Variants in DNAH2 observed in about 807,000 individuals in gnomAD.
DNAH2 encodes the protein axonemal beta dynein heavy chain 2.
In DNAH2, 323 loss-of-function variants were observed where a neutral mutation model predicts 523.5. The observed-to-expected ratio is 0.62, with a 90% CI of 0.56 to 0.68. The LOEUF (loss-of-function observed/expected upper bound fraction) is 0.68. Among genes scored for constraint, DNAH2 ranks in the 30% least tolerant of loss-of-function variants. The pLI is 0.00. For synonymous variants in DNAH2, 2,093 were observed against 2,177.4 expected (o/e 0.96, Z 1.08); for missense variants, 4,907 against 5,701.5 (o/e 0.86, Z 4.49).
At position 7,765,671 on chromosome 17, in the gene DNAH2, C is replaced by T. The variant is rs892843030; in HGVS notation, c.3511+106C>T. The T allele has an allele frequency of 1.8e-5, 24 of 1,335,306 alleles. No individual in the cohort carries two copies. In the African/African-American group the frequency reaches 2.1e-4, roughly 11 times the overall value. The allele number at this position is 1,335,306 out of a possible 1,614,324, so 82.7% of individuals were successfully genotyped here. A position where few individuals can be genotyped will look rare whatever the true frequency, so the allele number is the denominator to read the frequency against. ...AGAACTGGGAGGGGAGGAGGAGGGT[C>T]GGTGCTGGGGTGGGGGAAGAGCCTC... On this transcript the variant is annotated intron_variant, in intron 21 of 85. Transcript: ENST00000572933.
Position 7,796,643 on chromosome 17 carries a change from C to T in DNAH2, c.7854C>T (p.Asp2618=), listed in dbSNP as rs1417729944. The T allele has an allele frequency of 1.2e-6, 2 of 1,611,804 alleles. No individual in the cohort carries two copies. Among genetic ancestry groups the T allele is most frequent in the South Asian group, 1.1e-5 (1 of 90,892 alleles). ...TKMHYLFNLR[D]ISKVFQGMLR... is the part of the protein sequence containing the mutation. ...TGCATTACCTCTTCAACCTTCGAGA[C>T]ATCTCCAAGGTGACTCGCGGCCTGA... Residue 2618 remains aspartate (D), a synonymous_variant, in exon 50 of 86, where the codon GAC becomes GAT. Coordinates refer to ENST00000572933, the MANE Select transcript of DNAH2 (RefSeq NM_020877.5).
In DNAH2 at chr17:7,791,914, C is replaced by T; in HGVS notation, c.6901-3C>T. On this transcript the variant is annotated splice_polypyrimidine_tract_variant and splice_region_variant and intron_variant, in intron 44 of 85. Coordinates refer to ENST00000572933, the MANE Select transcript of DNAH2 (RefSeq NM_020877.5). Reference sequence around the variant, plus strand: ...TTATTTCCTCTTCTCGTTCTCCATCCAGGTGAACCCAGCTGACGGCGAGAA... The same window carrying T: ...TTATTTCCTCTTCTCGTTCTCCATCTAGGTGAACCCAGCTGACGGCGAGAA... 6.2e-7 allele frequency: 1 copy of T among 1,612,648 alleles called. No homozygotes were observed. The highest frequency in any genetic ancestry group is 2.2e-5 in the East Asian group (1 of 44,858).
intron 12 of DNAH2, among the ~76,000 whole-genome samples, chr17:7,748,420 C>A (rs928631649): frequency 1.3e-5 from 2 of 152,212 alleles, no homozygotes; most frequent in African/African-American, 4.8e-5. Flanking sequence ...GCTTTCCTTT[C>A]TACCTCTACT....
intron 2 of DNAH2, among the ~76,000 whole-genome samples, chr17:7,722,964 CTTTTTTT>C (rs559136734): frequency 2.6e-5 from 3 of 114,698 alleles, no homozygotes; most frequent in Non-Finnish European, 5.2e-5. Flanking sequence ...CTTTTCTTTC[CTTTTTTT>C]TTTTTTTTTT....
At chr17:7,788,933 G>A (rs530582355) in intron 44 of DNAH2, among the ~76,000 whole-genome samples, 2 of 152,320 alleles carry the variant, frequency 1.3e-5, no homozygotes, top group South Asian at 4.1e-4. Flanking sequence ...GGGAGGCCGA[G>A]GTGGGTGGAT....
chr17:7,769,614 G>A (rs1054675001), intron 24 of DNAH2, among the ~76,000 whole-genome samples: 1 of 152,082 alleles, frequency 6.6e-6, no homozygotes. Flanking sequence ...TTCCTCTAAT[G>A]CTTTGTGTTT....
intron 12 of DNAH2, among the ~76,000 whole-genome samples, chr17:7,753,819 G>A (rs1407251890): frequency 6.6e-6 from 1 of 152,030 alleles, no homozygotes; most frequent in Admixed American, 6.6e-5. Flanking sequence ...ATGGTGGTGC[G>A]CACCTATAGT....
rs780206915 is a variant in DNAH2, at chr17:7,762,522, G to A, written c.2979-1309G>A. On this transcript the variant is annotated intron_variant, in intron 18 of 85. Transcript: ENST00000572933. ...AGCTAATTTTTGTATTTTTAGTAGA[G>A]ATGGGGTTTCATCGTGTTAGCCAGG... Among the ~76,000 whole-genome samples, 95 of 151,678 alleles carry A rather than the reference G, an allele frequency of 6.3e-4. 1 individual carries two copies. The highest frequency in any genetic ancestry group is 1.3e-3 in the Non-Finnish European group (91 of 67,862).
rs747136408 is a variant in DNAH2 at position 7,807,479 on chromosome 17, C to T, written c.9622C>T (p.Arg3208Trp). ...GACTGTCTCCCCACAGCTGTATGGG[C>T]GGCTATATCGGGTGGTGGAGCCCAA... The part of the protein sequence containing the change: ...MWVRAMELYG[R>W]LYRVVEPKRI... Residue 3208 changes from arginine (R) to tryptophan (W), a missense_variant, in exon 63 of 86, where the codon CGG becomes TGG. Around this residue, in one of 3 missense-constraint regions of DNAH2, gnomAD observed 1,851 missense variants for 2,139.4 expected, o/e 0.87. Coordinates refer to ENST00000572933, the MANE Select transcript of DNAH2 (RefSeq NM_020877.5). The surrounding 1 kb of genome is among the most constrained non-coding windows in gnomAD (Gnocchi z 5.6). The T allele has an allele frequency of 5.0e-5, 81 of 1,613,282 alleles. No individual in the cohort carries two copies. Among genetic ancestry groups the T allele is most frequent in the East Asian group, 6.7e-5 (3 of 44,892 alleles).
At chr17:7,752,440 GT>G (rs1250629280) in intron 12 of DNAH2, among the ~76,000 whole-genome samples, 1 of 152,162 alleles carries the variant, frequency 6.6e-6, no homozygotes, top group African/African-American at 2.4e-5. Context: ...GCCGCGCGCG[GT>G]GGCTCACGCC....
intron 58 of DNAH2, 87 bp from the exon 59 acceptor site, chr17:7,804,169 G>A (rs2077298588): frequency 2.1e-6 from 3 of 1,398,646 alleles, no homozygotes; most frequent in South Asian, 1.3e-5. Flanking sequence ...AGGCGGACTC[G>A]AGACACACGG....
intron 12 of DNAH2, among the ~76,000 whole-genome samples, chr17:7,753,683 C>A (rs2075753134): frequency 6.6e-6 from 1 of 152,148 alleles, no homozygotes; most frequent in African/African-American, 2.4e-5. Flanking sequence ...TGCTGTGGCT[C>A]ACGCCTGTAA....
chr17:7,756,562 T>C (rs2075844836), intron 12 of DNAH2, among the ~76,000 whole-genome samples: 1 of 151,950 alleles, frequency 6.6e-6, no homozygotes, highest in Non-Finnish European at 1.5e-5. Flanking sequence ...TGTGAGCCAC[T>C]GTGCCTGGCC....
chr17:7,774,587 G>T (rs571162202), intron 28 of DNAH2, among the ~76,000 whole-genome samples, 172 bp from the exon 29 acceptor site: 1 of 152,294 alleles, frequency 6.6e-6, no homozygotes, highest in East Asian at 1.9e-4. Context: ...TTAACAGAGA[G>T]AATGGGTTGA....
Position 7,798,670 on chromosome 17 carries a change from C to T in DNAH2, c.8511C>T (p.Leu2837=), listed in dbSNP as rs750045931. 6.5e-5 allele frequency: 105 copies of T among 1,613,998 alleles called. 1 individual carries two copies. The South Asian group carries it at 1.1e-3, about 17-fold the overall frequency. ...ESFLEDINNI[L]SSGEVPNLYK... ...TCCTAGAGGACATCAACAACATCCT[C>T]AGCTCAGGCGAGGTGCCCAATCTCT... Residue 2837 remains leucine, a synonymous_variant, in exon 55 of 86, where the codon CTC becomes CTT. Transcript: ENST00000572933. The surrounding 1 kb of genome is among the most constrained non-coding windows in gnomAD (Gnocchi z 5.5).
chr17:7,802,638 C>G (rs574274114), intron 58 of DNAH2, among the ~76,000 whole-genome samples: 1 of 152,050 alleles, frequency 6.6e-6, no homozygotes, highest in Non-Finnish European at 1.5e-5. Context: ...AAAGTCTGTA[C>G]ATGTTCAGTG....
rs763993549 is a variant in DNAH2, at chr17:7,799,285, C to T, written c.8699+43C>T. 5 of 1,605,888 alleles carry T rather than the reference C, an allele frequency of 3.1e-6. No individual in the cohort carries two copies. In the South Asian group the frequency reaches 5.5e-5, roughly 18 times the overall value. On this transcript the variant is annotated intron_variant, in intron 56 of 85. Coordinates refer to ENST00000572933, the MANE Select transcript of DNAH2 (RefSeq NM_020877.5). ...CTTCTCTCAGCCCCTTCTGTGTGCT[C>T]CCTCACCCTGCTGTGGCCTCCTGTG...
chr17:7,764,905 C>T (rs549822243), intron 20 of DNAH2, among the ~76,000 whole-genome samples: 10 of 131,800 alleles, frequency 7.6e-5, no homozygotes, highest in Non-Finnish European at 1.4e-4. Context: ...TGCAGTGGTG[C>T]AATCATGGCT....
chr17:7,759,619 C>T lies in DNAH2; in HGVS notation c.2637+9C>T. ...AAGGAAGTGTGGCACAGGTAAGAACCACTTTGCCCCCAACATCTCAAAACC... is the reference window on the plus strand; with the variant it reads ...AAGGAAGTGTGGCACAGGTAAGAACTACTTTGCCCCCAACATCTCAAAACC... On this transcript the variant is annotated intron_variant, in intron 16 of 85. Coordinates refer to ENST00000572933, the MANE Select transcript of DNAH2 (RefSeq NM_020877.5). The T allele has an allele frequency of 6.2e-7, 1 of 1,611,118 alleles. No individual in the cohort carries two copies. The highest frequency in any genetic ancestry group is 8.5e-7 in the Non-Finnish European group (1 of 1,178,340).
Sources: gnomAD v4.1 joint callset for allele counts (sites outside exome capture counted in the v4.1 genomes callset) on GRCh38, gnomAD v4.1.1 for gene constraint, gnomAD v4.1.1 regional missense constraint, Gnocchi (gnomAD v3.1) non-coding constraint, MANE v1.5 for transcripts, NCBI Gene and HGNC (gene_info 2026-07-23, HGNC 2026-07-21) for gene names.